MEI4: variants seen among roughly 807,000 people sequenced by gnomAD.
MEI4 encodes the protein meiosis-specific protein MEI4.
Under a neutral mutation model 31.4 loss-of-function variants are expected in MEI4, and 27 were observed. That is an observed-to-expected ratio of 0.86 (90% CI 0.63 to 1.19). The LOEUF (loss-of-function observed/expected upper bound fraction) is 1.19, where lower values mean the gene tolerates loss of function less well. Among genes scored for constraint, MEI4 ranks in the 50% most tolerant of loss-of-function variants. MEI4 has a pLI of 0.00. For missense variants in MEI4, 329 were observed against 398.9 expected (o/e 0.82, Z 1.49); for synonymous variants, 122 against 145.4 (o/e 0.84, Z 1.16).
At chr6:77,796,661 G>T (rs1769085838) in intron 3 of MEI4, among the ~76,000 whole-genome samples, 1 of 152,138 alleles carries the variant, frequency 6.6e-6, no homozygotes, top group South Asian at 2.1e-4. Flanking sequence ...TGTAAAATCT[G>T]TACAATGAAT....
At chr6:77,695,276 C>T (rs964386953) in intron 2 of MEI4, among the ~76,000 whole-genome samples, 3 of 152,002 alleles carry the variant, frequency 2.0e-5, no homozygotes, top group Non-Finnish European at 2.9e-5. Flanking sequence ...AATTAGATCC[C>T]ATTTGTCAAT....
intron 2 of MEI4, among the ~76,000 whole-genome samples, chr6:77,696,229 C>T (rs1480275719): frequency 1.3e-5 from 2 of 152,118 alleles, no homozygotes; most frequent in African/African-American, 2.4e-5. Flanking sequence ...ATTTGACTTC[C>T]TCTTTTCCTA....
intron 4 of MEI4, among the ~76,000 whole-genome samples, chr6:77,890,079 G>A (rs1335703656): frequency 6.6e-6 from 1 of 152,192 alleles, no homozygotes; most frequent in African/African-American, 2.4e-5. Flanking sequence ...GAAATGTGGG[G>A]TTGCAGTCCC....
At chr6:77,919,022 G>T (rs1766636146) in intron 4 of MEI4, among the ~76,000 whole-genome samples, 1 of 151,960 alleles carries the variant, frequency 6.6e-6, no homozygotes, top group Admixed American at 6.6e-5. Context: ...CATACAAAGA[G>T]ACTTAGACTC....
At chr6:77,772,852 T>G (rs1116882) in intron 3 of MEI4, among the ~76,000 whole-genome samples, 36,086 of 151,816 alleles carry the variant, frequency 0.24, 5,297 homozygotes, top group African/African-American at 0.41. Flanking sequence ...TTTAGTAAAT[T>G]TGTGGGATTC....
intron 1 of MEI4, among the ~76,000 whole-genome samples, chr6:77,679,534 G>T (rs1030418367): frequency 4.9e-5 from 4 of 82,212 alleles, no homozygotes; most frequent in Non-Finnish European, 9.9e-5. Flanking sequence ...CCTAAGGATG[G>T]ATTTCTTGGA....
chr6:77,692,443 T>TA (rs1231607599), intron 2 of MEI4, among the ~76,000 whole-genome samples: 1 of 152,152 alleles, frequency 6.6e-6, no homozygotes, highest in African/African-American at 2.4e-5. Flanking sequence ...GATCAGCAAA[T>TA]ACCTGTTCAA....
intron 4 of MEI4, among the ~76,000 whole-genome samples, chr6:77,903,324 A>T (rs965834797): frequency 4.6e-5 from 7 of 152,074 alleles, no homozygotes; most frequent in Middle Eastern, 3.2e-3. Flanking sequence ...CACTTTGAGG[A>T]CTGTTCAGTT....
At chr6:77,817,404 TAGTG>T (rs997841938) in intron 3 of MEI4, among the ~76,000 whole-genome samples, 2 of 152,142 alleles carry the variant, frequency 1.3e-5, no homozygotes, top group African/African-American at 4.8e-5. Flanking sequence ...TGTTGCCTGA[TAGTG>T]AGTCTTAGGG....
At position 77,917,417 on chromosome 6, in the gene MEI4, T is replaced by A. The variant is rs1255136217; in HGVS notation, c.901-5672T>A. Among the ~76,000 whole-genome samples the A allele has an allele frequency of 2.6e-5, 4 of 150,978 alleles. No individual in the cohort carries two copies. In the Admixed American group the frequency reaches 2.7e-4, roughly 10 times the overall value. ...GTAAAAGTGTTCCTATTTCTCCACA[T>A]CCTCTCCAACACCTGTTGTTTCCTG... On this transcript the variant is annotated intron_variant, in intron 4 of 4. Coordinates refer to ENST00000684080, the MANE Select transcript of MEI4 (RefSeq NM_001322247.2).
At chr6:77,651,344 T>G (rs993890366), upstream of MEI4, among the ~76,000 whole-genome samples, 4 of 152,196 alleles carry the variant, frequency 2.6e-5, no homozygotes, top group African/African-American at 9.7e-5. Context: ...AGGAATATCT[T>G]GGACTGAAAA....
At chr6:77,786,712 A>G (rs1304531330) in intron 3 of MEI4, among the ~76,000 whole-genome samples, 1 of 152,212 alleles carries the variant, frequency 6.6e-6, no homozygotes, top group Non-Finnish European at 1.5e-5. Flanking sequence ...AAAGTTTTAA[A>G]TGGGAAGGCA....
At chr6:77,917,818 T>C (rs1031930832) in intron 4 of MEI4, among the ~76,000 whole-genome samples, 1 of 150,554 alleles carries the variant, frequency 6.6e-6, no homozygotes, top group Non-Finnish European at 1.5e-5. Context: ...TTGCTTTTGG[T>C]GTTTTGGACA....
intron 1 of MEI4, among the ~76,000 whole-genome samples, chr6:77,660,833 G>T: frequency 6.6e-6 from 1 of 152,098 alleles, no homozygotes; most frequent in Non-Finnish European, 1.5e-5. Flanking sequence ...GGCAGTCAGG[G>T]TACTATAGAT....
intron 2 of MEI4, among the ~76,000 whole-genome samples, chr6:77,698,375 C>A (rs1374139664): frequency 6.6e-6 from 1 of 152,190 alleles, no homozygotes; most frequent in African/African-American, 2.4e-5. Context: ...ATGGTCTTTA[C>A]ATTTTGGCAG....
chr6:77,744,803 G>A (rs1483269149), intron 2 of MEI4, among the ~76,000 whole-genome samples: 1 of 152,170 alleles, frequency 6.6e-6, no homozygotes, highest in Non-Finnish European at 1.5e-5. Context: ...GAAGAGAGTG[G>A]GGGCCAATAT....
intron 2 of MEI4, among the ~76,000 whole-genome samples, chr6:77,727,036 A>G (rs552974003): frequency 2.0e-5 from 3 of 152,326 alleles, no homozygotes; most frequent in Admixed American, 6.5e-5. Flanking sequence ...TAAGCCAACA[A>G]TTACAATTTT....
At chr6:77,729,585 A>G (rs1766917790) in intron 2 of MEI4, among the ~76,000 whole-genome samples, 1 of 152,226 alleles carries the variant, frequency 6.6e-6, no homozygotes, top group African/African-American at 2.4e-5. Context: ...AGCAAGAAAC[A>G]GGTAATGCAG....
In MEI4 at chr6:77,872,793, A is replaced by G. The variant is rs574754331; in HGVS notation, c.900+43731A>G. On this transcript the variant is annotated intron_variant, in intron 4 of 4. Transcript: ENST00000684080. ...CCCCTTCCTGTGTCCATGTGTTCTCATTGTTCAATTCCCACCTATGAGTGA... is the reference window on the plus strand; with the variant it reads ...CCCCTTCCTGTGTCCATGTGTTCTCGTTGTTCAATTCCCACCTATGAGTGA... 9.2e-3 allele frequency among the ~76,000 whole-genome samples: 1,242 copies of G among 135,050 alleles called. 14 individuals are homozygous for G. Among genetic ancestry groups the G allele is most frequent in the African/African-American group, 0.032 (1,150 of 35,964 alleles). 88.6% of individuals were successfully genotyped at this position (135,050 alleles called of 152,430 possible). A position where few individuals can be genotyped will look rare whatever the true frequency, so the allele number is the denominator to read the frequency against.
Sources: allele counts gnomAD v4.1 joint callset (sites outside exome capture counted in the v4.1 genomes callset), GRCh38; gene constraint gnomAD v4.1.1; transcripts MANE v1.5; gene names NCBI Gene and HGNC (gene_info 2026-07-23, HGNC 2026-07-21).